Variants in THADA observed in about 807,000 individuals in gnomAD.
The protein encoded by THADA is tRNA (32-2'-O)-methyltransferase regulator THADA.
THADA carries 213 observed loss-of-function variants against 219.8 expected under a neutral mutation model. The ratio of observed to expected loss-of-function variants is 0.97; its 90% CI spans 0.87 to 1.09. THADA has a LOEUF of 1.09. Ranked by LOEUF, THADA falls within the 50% of genes least tolerant of loss-of-function variation. THADA has a pLI of 0.00. For synonymous variants in THADA, 1,018 were observed against 828.9 expected (o/e 1.23, Z -3.92); for missense variants, 2,956 against 2,311.3 (o/e 1.28, Z -5.72).
At chr2:43,455,279 C>T (rs186218833) in intron 26 of THADA, among the ~76,000 whole-genome samples, 35 of 152,268 alleles carry the variant, frequency 2.3e-4, no homozygotes, top group Admixed American at 2.0e-3. Context: ...TCACAGATTG[C>T]TCTTAATTTC....
intron 22 of THADA, 104 bp from the exon 23 acceptor site, chr2:43,508,884 A>G: frequency 8.6e-7 from 1 of 1,161,402 alleles, no homozygotes; most frequent in Non-Finnish European, 1.2e-6. Flanking sequence ...ATATCCTTAT[A>G]TTGAGTGGGG....
intron 29 of THADA, among the ~76,000 whole-genome samples, chr2:43,349,500 C>T (rs1199472690): frequency 6.6e-6 from 1 of 152,200 alleles, no homozygotes; most frequent in Non-Finnish European, 1.5e-5. Context: ...ACTAAAATAG[C>T]AACTTGTGTT....
intron 29 of THADA, among the ~76,000 whole-genome samples, chr2:43,389,871 A>AT (rs1342542858): frequency 6.6e-6 from 1 of 152,178 alleles, no homozygotes; most frequent in African/African-American, 2.4e-5. Flanking sequence ...CTTGGTGCAC[A>AT]TAACATGTAG....
At chr2:43,347,238 G>A (rs1011501679) in intron 29 of THADA, among the ~76,000 whole-genome samples, 3 of 152,128 alleles carry the variant, frequency 2.0e-5, no homozygotes, top group African/African-American at 7.2e-5. Context: ...GGTAAATGGC[G>A]TATAATAATA....
In THADA at chr2:43,586,401, C is replaced by G. The variant is rs1379099598; in HGVS notation, c.533G>C (p.Arg178Thr). The G allele has an allele frequency of 1.3e-6, 2 of 1,583,316 alleles. No individual in the cohort carries two copies. Among genetic ancestry groups the G allele is most frequent in the Non-Finnish European group, 1.7e-6 (2 of 1,165,528 alleles). Residue 178 changes from arginine (R) to threonine (T), a missense_variant and splice_region_variant, in exon 7 of 38, where the codon AGA becomes ACA. Arg to Thr is a moderately conservative substitution (Grantham distance 71). Transcript: ENST00000405975. Reference protein sequence around the residue: ...KSLIEILEENRKCAGNHIIQT... With the variant: ...KSLIEILEENTKCAGNHIIQT... ...ACAAATGCCAACATATAGCACTTGCCTATTTTCTTCCAGGATTTCAATTAA... is the reference window on the plus strand; with the variant it reads ...ACAAATGCCAACATATAGCACTTGCGTATTTTCTTCCAGGATTTCAATTAA...
At chr2:43,464,539 T>A (rs949469717) in intron 26 of THADA, among the ~76,000 whole-genome samples, 1 of 152,310 alleles carries the variant, frequency 6.6e-6, no homozygotes, top group South Asian at 2.1e-4. Flanking sequence ...TTTTGTTAAA[T>A]GCCTCTTGAA....
At chr2:43,242,506 T>A (rs1668727726) in intron 36 of THADA, among the ~76,000 whole-genome samples, 1 of 152,114 alleles carries the variant, frequency 6.6e-6, no homozygotes, top group Non-Finnish European at 1.5e-5. Flanking sequence ...TTTTTTTTTC[T>A]GTGCAGACAA....
At chr2:43,576,959 G>C (rs959867216) in intron 10 of THADA, 63 bp downstream of exon 10, 1 of 1,446,082 alleles carries the variant, frequency 6.9e-7, no homozygotes, top group African/African-American at 1.4e-5. Flanking sequence ...CCAGCTTTTG[G>C]ACTGCATCTT....
intron 21 of THADA, among the ~76,000 whole-genome samples, chr2:43,528,680 T>A (rs1021693527): frequency 1.3e-5 from 2 of 152,226 alleles, no homozygotes; most frequent in African/African-American, 4.8e-5. Flanking sequence ...AACCTCAGTA[T>A]GTTTTCTGTT....
chr2:43,588,114 C>T (rs1701193299), intron 4 of THADA, among the ~76,000 whole-genome samples: 1 of 152,066 alleles, frequency 6.6e-6, no homozygotes, highest in Admixed American at 6.5e-5. Flanking sequence ...ACTCAGAAAT[C>T]AAACCCATGT....
At chr2:43,519,378 T>C (rs1255431352) in intron 22 of THADA, among the ~76,000 whole-genome samples, 1 of 152,140 alleles carries the variant, frequency 6.6e-6, no homozygotes, top group Non-Finnish European at 1.5e-5. Flanking sequence ...TATAGATAAA[T>C]CACTTGATTC....
In THADA at chr2:43,232,853, T is replaced by C; in HGVS notation, c.5326A>G (p.Ile1776Val). The C allele has an allele frequency of 6.2e-7, 1 of 1,611,594 alleles. No homozygotes were observed. Among genetic ancestry groups the C allele is most frequent in the Non-Finnish European group, 8.5e-7 (1 of 1,179,086 alleles). Residue 1776 changes from isoleucine (I) to valine (V), a missense_variant, in exon 37 of 38, where the codon ATC (isoleucine) becomes GTC (valine). Transcript: ENST00000405975. ...EFAFCQVDAS[I>V]ALALALAVLC... ...ACGGCCAGGGCCAGGGCCAGAGCGA[T>C]GGAGGCATCCACCTGGCAGAAGGCA...
chr2:43,339,530 T>C (rs1279165743), intron 30 of THADA, among the ~76,000 whole-genome samples: 2 of 152,228 alleles, frequency 1.3e-5, no homozygotes, highest in East Asian at 3.8e-4. Context: ...TCCACCCACC[T>C]TGGCCTCCCA....
chr2:43,583,751 G>A (rs1195656736), intron 7 of THADA, among the ~76,000 whole-genome samples: 2 of 152,108 alleles, frequency 1.3e-5, no homozygotes, highest in Non-Finnish European at 2.9e-5. Context: ...TCTGATATAT[G>A]CTACAAACGT....
intron 29 of THADA, among the ~76,000 whole-genome samples, chr2:43,386,263 G>C (rs907067881): frequency 6.6e-6 from 1 of 151,360 alleles, no homozygotes. Flanking sequence ...TGTAGAAAAG[G>C]CACAAAATAT....
chr2:43,368,082 C>T (rs1479285555), intron 29 of THADA, among the ~76,000 whole-genome samples: 1 of 152,186 alleles, frequency 6.6e-6, no homozygotes, highest in Admixed American at 6.5e-5. Flanking sequence ...CACGCCATTG[C>T]ACTCCAGCCT....
At chr2:43,378,994 T>C (rs1171752862) in intron 29 of THADA, among the ~76,000 whole-genome samples, 4 of 151,800 alleles carry the variant, frequency 2.6e-5, no homozygotes, top group African/African-American at 7.3e-5. Context: ...AAGACAGAAA[T>C]CAAAATCAGA....
At chr2:43,536,264 T>C (rs1230284883) in intron 21 of THADA, among the ~76,000 whole-genome samples, 1 of 152,202 alleles carries the variant, frequency 6.6e-6, no homozygotes, top group African/African-American at 2.4e-5. Flanking sequence ...TGGCGGTAGA[T>C]ACATTAATTT....
At chr2:43,300,133 T>C (rs1390312334) in intron 31 of THADA, among the ~76,000 whole-genome samples, 1 of 151,860 alleles carries the variant, frequency 6.6e-6, no homozygotes, top group African/African-American at 2.4e-5. Context: ...ATGCTACGAA[T>C]AAAAATTACT....
Sources: gnomAD v4.1 joint callset for allele counts (sites outside exome capture counted in the v4.1 genomes callset) on GRCh38, gnomAD v4.1.1 for gene constraint, MANE v1.5 for transcripts, NCBI Gene and HGNC (gene_info 2026-07-23, HGNC 2026-07-21) for gene names.